TPRG1: variants seen among roughly 807,000 people sequenced by gnomAD.
TPRG1 encodes the protein tumor protein p63 regulated 1, also known as tumor protein p63-regulated gene 1 protein.
A neutral mutation model predicts 29.3 loss-of-function variants in TPRG1; 29 were observed. The observed-to-expected ratio is 0.99, with a 90% CI of 0.74 to 1.35. TPRG1 has a LOEUF of 1.35. TPRG1 is among the 40% of genes most tolerant of loss of function. TPRG1 has a pLI of 0.00. For missense variants in TPRG1, 327 were observed against 335.0 expected (o/e 0.98, Z 0.19); for synonymous variants, 130 against 116.8 (o/e 1.11, Z -0.73).
chr3:189,072,227 A>G (rs753940235), intron 4 of TPRG1, among the ~76,000 whole-genome samples: 8 of 152,190 alleles, frequency 5.3e-5, no homozygotes, highest in Non-Finnish European at 1.2e-4. Flanking sequence ...CATTTGACCT[A>G]CAGATCATAT....
chr3:189,175,494 T>C (rs73889104), intron 1 of TPRG1, among the ~76,000 whole-genome samples: 5,411 of 152,266 alleles, frequency 0.036, 324 homozygotes, highest in African/African-American at 0.12. Flanking sequence ...CATGGTGTCT[T>C]TGATGGGCAT....
intron 5 of TPRG1, chr3:189,315,395 C>T (rs774179873): frequency 2.4e-6 from 1 of 415,854 alleles, no homozygotes; most frequent in South Asian, 1.8e-5. Context: ...TATCTCAAAA[C>T]CTGGCTCAAT....
chr3:189,227,056 A>T (rs1737862113), intron 3 of TPRG1, among the ~76,000 whole-genome samples: 1 of 152,084 alleles, frequency 6.6e-6, no homozygotes, highest in African/African-American at 2.4e-5. Context: ...TAGGAAACTG[A>T]ACAATTAGGA....
At chr3:189,182,797 C>T (rs1730403418) in intron 1 of TPRG1, among the ~76,000 whole-genome samples, 1 of 151,940 alleles carries the variant, frequency 6.6e-6, no homozygotes, top group African/African-American at 2.4e-5. Flanking sequence ...TTATTTCCAG[C>T]TTTATTGAGG....
At chr3:189,099,660 C>T (rs114334202), upstream of TPRG1, among the ~76,000 whole-genome samples, 1,773 of 152,086 alleles carry the variant, frequency 0.012, 40 homozygotes, top group African/African-American at 0.041. Context: ...ACATGTGGGG[C>T]CTGACCTACA....
intron 2 of TPRG1, 64 bp from the exon 3 acceptor site, chr3:189,215,228 C>G: frequency 1.5e-6 from 2 of 1,371,100 alleles, no homozygotes; most frequent in African/African-American, 1.5e-5. Flanking sequence ...AATATACTAA[C>G]TAATCATAAG....
At chr3:189,070,553 A>G (rs1716751103) in intron 4 of TPRG1, among the ~76,000 whole-genome samples, 1 of 152,218 alleles carries the variant, frequency 6.6e-6, no homozygotes, top group South Asian at 2.1e-4. Context: ...GAAACTGGGT[A>G]AGGTTTCTTA....
At chr3:189,170,730 T>C (rs573017610), upstream of TPRG1, among the ~76,000 whole-genome samples, 15 of 152,334 alleles carry the variant, frequency 9.8e-5, no homozygotes, top group East Asian at 2.7e-3. Flanking sequence ...GTAAAAGGAC[T>C]GTTTATTCAT....
At chr3:189,178,394 T>TG (rs1729775098) in intron 1 of TPRG1, among the ~76,000 whole-genome samples, 2 of 152,100 alleles carry the variant, frequency 1.3e-5, no homozygotes, top group Admixed American at 1.3e-4. Flanking sequence ...CTAGGCATGG[T>TG]GATGCGCATC....
At chr3:189,237,931 A>G (rs1250981026) in intron 3 of TPRG1, among the ~76,000 whole-genome samples, 2 of 152,212 alleles carry the variant, frequency 1.3e-5, no homozygotes, top group African/African-American at 4.8e-5. Flanking sequence ...CAGTAGGCAG[A>G]TAGCAAAAGT....
rs183258696 is a variant in TPRG1, at chr3:189,320,834, A to G, written c.*14A>G. ...ATTGGTTTTTGAGAGTCTTTTTGGT[A>G]CCATAAGCATATCATCCACAGATAT... On this transcript the variant is annotated 3_prime_UTR_variant, in exon 6 of 6. Transcript: ENST00000345063. The G allele has an allele frequency of 1.7e-4, 265 of 1,542,442 alleles. 3 individuals are homozygous for G. In the East Asian group the frequency reaches 2.0e-3, roughly 12 times the overall value.
intron 4 of TPRG1, among the ~76,000 whole-genome samples, chr3:189,243,589 T>G (rs1310746812): frequency 6.6e-6 from 1 of 151,524 alleles, no homozygotes; most frequent in Non-Finnish European, 1.5e-5. Context: ...ATTTTCCAAC[T>G]TTTATGCTGT....
At chr3:189,025,253 T>G (rs1256831321) in intron 4 of TPRG1, among the ~76,000 whole-genome samples, 1 of 152,176 alleles carries the variant, frequency 6.6e-6, no homozygotes, top group Non-Finnish European at 1.5e-5. Context: ...ATCTGAGGGT[T>G]GCAAAGATCC....
At position 189,310,511 on chromosome 3, in the gene TPRG1, C is replaced by T. The variant is rs1461754911; in HGVS notation, c.605C>T (p.Thr202Ile). Reference sequence around the variant, plus strand: ...TTCACTGAGCATCCTATGAAATACACCAGTGAGAAATTCCTTGAAATTTGC... The same window carrying T: ...TTCACTGAGCATCCTATGAAATACATCAGTGAGAAATTCCTTGAAATTTGC... Reference protein sequence around the residue: ...ATFTEHPMKYTSEKFLEICKL... With the variant: ...ATFTEHPMKYISEKFLEICKL... The change falls in exon 5 of 6, where the codon ACC becomes ATC. Residue 202 changes from threonine (T) to isoleucine (I), a missense_variant. Coordinates refer to ENST00000345063, the MANE Select transcript of TPRG1 (RefSeq NM_198485.4). The T allele has an allele frequency of 6.2e-7, 1 of 1,610,514 alleles. No homozygotes were observed. The highest frequency in any genetic ancestry group is 8.5e-7 in the Non-Finnish European group (1 of 1,178,578).
chr3:189,175,171 G>A (rs1240906288), intron 1 of TPRG1, among the ~76,000 whole-genome samples: 1 of 152,134 alleles, frequency 6.6e-6, no homozygotes, highest in Non-Finnish European at 1.5e-5. Flanking sequence ...TCAAGACGAA[G>A]AAGAAAGCAA....
At chr3:189,259,468 T>C (rs1234147073) in intron 4 of TPRG1, among the ~76,000 whole-genome samples, 1 of 145,258 alleles carries the variant, frequency 6.9e-6, no homozygotes, top group Non-Finnish European at 1.5e-5. Context: ...ATCCCTTTTT[T>C]TTTTTTTTTT....
At chr3:189,315,049 G>A (rs1723265107) in intron 5 of TPRG1, among the ~76,000 whole-genome samples, 1 of 152,158 alleles carries the variant, frequency 6.6e-6, no homozygotes, top group Non-Finnish European at 1.5e-5. Flanking sequence ...GGAAGGCTAA[G>A]GCAGGAGGAC....
chr3:189,312,113 CTTTGTT>C lies in TPRG1; in HGVS notation c.633+1576_633+1581del, dbSNP rs879493918. The stretch of plus-strand genomic sequence containing the variant: ...TCTTTCTTTGTTTCTTTGTTTCTTT[CTTTGTT>C]TCTTTCTTTCTTTCTTTCTTTCTTT... On this transcript the variant is annotated intron_variant, in intron 5 of 5. Transcript: ENST00000345063. 2.9e-3 allele frequency among the ~76,000 whole-genome samples: 209 copies of C among 72,682 alleles called. 2 individuals carry two copies. The highest frequency in any genetic ancestry group is 4.2e-3 in the African/African-American group (61 of 14,676). 47.7% of individuals were successfully genotyped at this position (72,682 alleles called of 152,430 possible).
At chr3:189,234,813 C>A (rs1414860286) in intron 3 of TPRG1, among the ~76,000 whole-genome samples, 6 of 152,150 alleles carry the variant, frequency 3.9e-5, no homozygotes, top group African/African-American at 1.4e-4. Flanking sequence ...TATACAATAG[C>A]ATCCAAGGTA....
Sources: allele counts gnomAD v4.1 joint callset (sites outside exome capture counted in the v4.1 genomes callset), GRCh38; gene constraint gnomAD v4.1.1; transcripts MANE v1.5; gene names NCBI Gene and HGNC (gene_info 2026-07-23, HGNC 2026-07-21).